The following MCM3AP variants were observed in gnomAD, a reference collection of about 807,000 sequenced individuals.
MCM3AP encodes germinal-center associated nuclear protein.
MCM3AP carries 126 observed loss-of-function variants against 184.1 expected under a neutral mutation model. The ratio of observed to expected loss-of-function variants is 0.68; its 90% CI spans 0.59 to 0.79. MCM3AP has a LOEUF of 0.79. MCM3AP is among the 30% of genes least tolerant of loss of function. MCM3AP has a pLI of 0.00. For synonymous variants in MCM3AP, 1,002 were observed against 979.3 expected (o/e 1.02, Z -0.43); for missense variants, 2,496 against 2,479.2 (o/e 1.01, Z -0.14).
At chr21:46,279,107 G>A (rs2081292895) in intron 4 of MCM3AP, among the ~76,000 whole-genome samples, 1 of 150,236 alleles carries the variant, frequency 6.7e-6, no homozygotes, top group Admixed American at 6.6e-5. Flanking sequence ...CCAACATGGT[G>A]AAACCCCATC....
At chr21:46,254,569 C>A (rs759729092) in intron 18 of MCM3AP, 43 bp from the exon 19 acceptor site, 6 of 1,610,282 alleles carry the variant, frequency 3.7e-6, no homozygotes, top group East Asian at 4.5e-5. Context: ...TGTGTGAGAC[C>A]CTTGCAGGAG....
intron 8 of MCM3AP, among the ~76,000 whole-genome samples, chr21:46,271,059 CTT>C (rs970792205): frequency 1.1e-4 from 17 of 152,132 alleles, no homozygotes; most frequent in African/African-American, 3.4e-4. Context: ...AAACTTAACT[CTT>C]TTTGTTTAGA....
chr21:46,266,241 G>A, intron 10 of MCM3AP, 75 bp from the exon 11 acceptor site: 1 of 1,469,242 alleles, frequency 6.8e-7, no homozygotes, highest in East Asian at 2.3e-5. Flanking sequence ...GCCCTGCCGA[G>A]TACTGCAAGC....
chr21:46,266,430 A>T, intron 10 of MCM3AP: 1 of 351,606 alleles, frequency 2.8e-6, no homozygotes. Context: ...TAATTTTCTG[A>T]GGACAGAACT....
chr21:46,273,316 G>C, intron 7 of MCM3AP, 72 bp downstream of exon 7: 1 of 1,362,902 alleles, frequency 7.3e-7, no homozygotes, highest in Non-Finnish European at 1.0e-6. Context: ...ATATAACAGA[G>C]TAATAAAAAT....
At chr21:46,267,258 A>G in intron 9 of MCM3AP, 116 bp from the exon 10 acceptor site, 2 of 976,012 alleles carry the variant, frequency 2.0e-6, no homozygotes, top group Non-Finnish European at 3.0e-6. Flanking sequence ...TCCTGGGCTG[A>G]GTCCACCAGA....
Position 46,266,019 on chromosome 21 carries a change from A to C in MCM3AP, c.2937T>G (p.Pro979=), listed in dbSNP as rs760187165. The C allele has an allele frequency of 1.9e-6, 3 of 1,611,082 alleles. No homozygotes were observed. Among genetic ancestry groups the C allele is most frequent in the East Asian group, 2.2e-5 (1 of 44,864 alleles). Residue 979 remains proline, a synonymous_variant, in exon 11 of 28, where the codon CCT becomes CCG. Coordinates refer to ENST00000291688, the MANE Select transcript of MCM3AP (RefSeq NM_003906.5). ...GPLPPVPRHT[P]VCSFNSQNKY... is the part of the protein sequence containing the mutation. The stretch of plus-strand genomic sequence containing the variant: ...TGTTCTGGGAGTTGAAGCTGCACAC[A>C]GGGGTATGACGAGGGACGGGGGGCA...
At chr21:46,241,762 C>T (rs1180761984) in intron 25 of MCM3AP, 1 of 152,202 alleles carries the variant, frequency 6.6e-6, no homozygotes, top group African/African-American at 2.4e-5. Flanking sequence ...TAGTCTGAAC[C>T]TCAATGGTTC....
Position 46,280,079 on chromosome 21 carries a change from GC to G in MCM3AP, c.1580del (p.Ser527ThrfsTer27), listed in dbSNP as rs1163120903. On this transcript the variant is annotated frameshift_variant, in exon 4 of 28. Transcript: ENST00000291688. LOFTEE classifies it high-confidence loss of function. ...KEKKPGDGEVSPSTEDAPFQH... is the reference protein window; with the variant it reads ...KEKKPGDGEVXPSTEDAPFQH... ...GAAAGGGTGCATCCTCTGTGCTCGG[GC>G]TGACTTCACCGTCACCTGGTTTCTT... is the stretch of plus-strand genomic sequence containing the variant. 6.2e-7 allele frequency: 1 copy of G among 1,614,174 alleles called. No homozygotes were observed. Among genetic ancestry groups the G allele is most frequent in the Non-Finnish European group, 8.5e-7 (1 of 1,180,000 alleles).
chr21:46,250,912 G>A (rs992542676), intron 20 of MCM3AP: 5 of 152,240 alleles, frequency 3.3e-5, no homozygotes, highest in Admixed American at 3.3e-4. Context: ...TGGATAAACT[G>A]AGAAATGGCT....
intron 15 of MCM3AP, 29 bp from the exon 16 acceptor site, chr21:46,259,120 C>A (rs376368460): frequency 6.3e-7 from 1 of 1,586,546 alleles, no homozygotes; most frequent in East Asian, 2.2e-5. Flanking sequence ...GCATGGAAGA[C>A]ACTGCACTTG....
intron 9 of MCM3AP, 143 bp from the exon 10 acceptor site, chr21:46,267,285 C>T (rs1452840199): frequency 9.9e-6 from 7 of 710,544 alleles, no homozygotes; most frequent in South Asian, 7.3e-5. Context: ...TTTGGCAACA[C>T]GGAACCCAAG....
chr21:46,263,256 G>A (rs1034093786), intron 13 of MCM3AP, among the ~76,000 whole-genome samples: 12 of 152,034 alleles, frequency 7.9e-5, no homozygotes, highest in Non-Finnish European at 1.5e-4. Context: ...CTTGAATCCG[G>A]GAGGTGGGGG....
chr21:46,277,017 C>T (rs976503328), intron 5 of MCM3AP, among the ~76,000 whole-genome samples: 4 of 152,168 alleles, frequency 2.6e-5, no homozygotes, highest in African/African-American at 7.2e-5. Context: ...TCCCAAAGTG[C>T]TGGGATTACA....
chr21:46,242,199 T>C (rs1484099323), intron 25 of MCM3AP: 1 of 152,654 alleles, frequency 6.6e-6, no homozygotes, highest in Non-Finnish European at 1.5e-5. Context: ...TCCAGGACAA[T>C]AGTGAATAAT....
At chr21:46,272,972 G>A (rs1456307751) in intron 7 of MCM3AP, 143 bp from the exon 8 acceptor site, 6 of 800,998 alleles carry the variant, frequency 7.5e-6, no homozygotes, top group Non-Finnish European at 9.4e-6. Context: ...ACTTTGTAGT[G>A]ACTTAAATAA....
intron 2 of MCM3AP, among the ~76,000 whole-genome samples, chr21:46,282,694 A>G (rs2081348932): frequency 1.3e-5 from 2 of 151,368 alleles, no homozygotes; most frequent in Non-Finnish European, 2.9e-5. Context: ...AGTTCCAGCT[A>G]CTCCGGAGGC....
In MCM3AP at chr21:46,245,014, G is replaced by A. The variant is rs762967953; in HGVS notation, c.4831C>T (p.Leu1611=). ...ASQEPGAIIE[L]FNSVLQFLAS... ...AGGAACTGCAGCACACTGTTAAACA[G>A]CTCAATGATGGCGCCAGGCTCCTGA... The change falls in exon 23 of 28, where the codon CTG becomes TTG. Residue 1611 remains leucine, a synonymous_variant. Coordinates refer to ENST00000291688, the MANE Select transcript of MCM3AP (RefSeq NM_003906.5). 4 of 1,614,180 alleles carry A rather than the reference G, an allele frequency of 2.5e-6. No homozygotes were observed. In the South Asian group the frequency reaches 4.4e-5, roughly 18 times the overall value.
At chr21:46,244,540 T>C in intron 23 of MCM3AP, 1 of 507,274 alleles carries the variant, frequency 2.0e-6, no homozygotes, top group Non-Finnish European at 3.5e-6. Flanking sequence ...CTTGTCACTT[T>C]TCTCCTGAAG....
Sources: gnomAD v4.1 joint callset for allele counts (sites outside exome capture counted in the v4.1 genomes callset) on GRCh38, gnomAD v4.1.1 for gene constraint, MANE v1.5 for transcripts, NCBI Gene and HGNC (gene_info 2026-07-23, HGNC 2026-07-21) for gene names.